Variants in ACOXL observed in about 807,000 individuals in gnomAD.
The protein encoded by ACOXL is acyl-coenzyme A oxidase-like protein.
ACOXL carries 70 observed loss-of-function variants against 71.9 expected under a neutral mutation model. That is an observed-to-expected ratio of 0.97 (90% CI 0.80 to 1.19). The LOEUF is 1.19. Among genes scored for constraint, ACOXL ranks in the 50% most tolerant of loss-of-function variants. The pLI is 0.00. For missense variants in ACOXL, 703 were observed against 736.3 expected, an observed-to-expected ratio of 0.95 and a Z score of 0.52; for synonymous variants, 253 against 281.6, an observed-to-expected ratio of 0.90 and a Z score of 1.02.
At chr2:110,791,515 G>A (rs756454991) in intron 3 of ACOXL, among the ~76,000 whole-genome samples, 17 of 152,282 alleles carry the variant, frequency 1.1e-4, no homozygotes, top group African/African-American at 4.1e-4. Context: ...GAAAAAACAC[G>A]TACCATTTGG....
intron 15 of ACOXL, among the ~76,000 whole-genome samples, chr2:111,041,315 C>T (rs985790196): frequency 3.3e-5 from 5 of 152,316 alleles, no homozygotes; most frequent in African/African-American, 9.6e-5. Context: ...ATCAATGCCA[C>T]GCATGAGGCA....
chr2:110,760,000 G>A (rs960759903), intron 1 of ACOXL, among the ~76,000 whole-genome samples: 2 of 151,746 alleles, frequency 1.3e-5, no homozygotes, highest in Non-Finnish European at 2.9e-5. Flanking sequence ...TTTCTAACTG[G>A]TTTTTAATGT....
chr2:110,888,713 T>C (rs1284057801), intron 10 of ACOXL, among the ~76,000 whole-genome samples: 1 of 152,188 alleles, frequency 6.6e-6, no homozygotes, highest in Non-Finnish European at 1.5e-5. Flanking sequence ...CTTGGGCTGG[T>C]GATTATCTAA....
At chr2:110,919,574 C>G (rs912550404) in intron 11 of ACOXL, among the ~76,000 whole-genome samples, 9 of 151,316 alleles carry the variant, frequency 5.9e-5, no homozygotes, top group Admixed American at 5.9e-4. Context: ...AAATAAAAAT[C>G]ACACTTTGTG....
At chr2:110,887,010 C>T in intron 10 of ACOXL, 5 of 872,100 alleles carry the variant, frequency 5.7e-6, no homozygotes, top group Non-Finnish European at 8.6e-6. Flanking sequence ...AAGATGTCTG[C>T]AGAGTGCCGC....
At chr2:111,060,268 G>C (rs142815392) in intron 16 of ACOXL, among the ~76,000 whole-genome samples, 1 of 152,144 alleles carries the variant, frequency 6.6e-6, no homozygotes, top group Non-Finnish European at 1.5e-5. Context: ...TCCCCACTGC[G>C]GTGGTGTCAG....
At chr2:110,747,527 TAA>T (rs1184464869) in intron 1 of ACOXL, among the ~76,000 whole-genome samples, 1 of 152,204 alleles carries the variant, frequency 6.6e-6, no homozygotes, top group Non-Finnish European at 1.5e-5. Context: ...CAGTGTCTCC[TAA>T]ATTCACACTA....
intron 16 of ACOXL, among the ~76,000 whole-genome samples, chr2:111,075,881 G>A (rs1333738085): frequency 6.6e-6 from 1 of 151,866 alleles, no homozygotes; most frequent in Non-Finnish European, 1.5e-5. Context: ...AATTTGTCCT[G>A]TTCTCTTTAT....
At chr2:110,811,888 CAG>C (rs1280038223) in intron 9 of ACOXL, among the ~76,000 whole-genome samples, 1 of 152,134 alleles carries the variant, frequency 6.6e-6, no homozygotes, top group Non-Finnish European at 1.5e-5. Flanking sequence ...GTGAAATACA[CAG>C]ATTGTTTCCT....
chr2:110,886,675 G>C (rs1438708962), intron 10 of ACOXL: 1 of 1,428,056 alleles, frequency 7.0e-7, no homozygotes, highest in African/African-American at 1.4e-5. Context: ...CACTGCGTCT[G>C]TCCCTCCCCT....
chr2:111,108,059 G>A (rs1426820728), intron 17 of ACOXL, among the ~76,000 whole-genome samples: 2 of 152,194 alleles, frequency 1.3e-5, no homozygotes, highest in African/African-American at 4.8e-5. Context: ...GTCTAAGCCA[G>A]TAATTTTCCT....
At chr2:110,836,491 A>G (rs1410309984) in intron 9 of ACOXL, among the ~76,000 whole-genome samples, 1 of 151,144 alleles carries the variant, frequency 6.6e-6, no homozygotes, top group Non-Finnish European at 1.5e-5. Flanking sequence ...TATTCTGTGC[A>G]TGCCAAGGCC....
intron 1 of ACOXL, among the ~76,000 whole-genome samples, chr2:110,737,378 A>G (rs1203120668): frequency 6.6e-6 from 1 of 152,338 alleles, no homozygotes; most frequent in East Asian, 1.9e-4. Context: ...GTTTCTCACT[A>G]CAGCACCATT....
rs2149474844 is a variant in ACOXL, at chr2:110,967,905, A to G, written c.1060-19203A>G. 7 of 1,129,904 alleles carry G rather than the reference A, an allele frequency of 6.2e-6. No individual in the cohort carries two copies. The Admixed American group carries it at 1.1e-4, about 17-fold the overall frequency. The allele number at this position is 1,129,904 out of a possible 1,614,324, so 70.0% of individuals were successfully genotyped here. On this transcript the variant is annotated intron_variant, in intron 12 of 17. Coordinates refer to ENST00000439055, the MANE Select transcript of ACOXL (RefSeq NM_001142807.4). The stretch of plus-strand genomic sequence containing the variant: ...ACCAAGTGAAATTTAGAAGACGACA[A>G]GAGGGTAAAACTGGTTACTATGCTC...
At chr2:110,807,342 A>T (rs899648176) in intron 9 of ACOXL, among the ~76,000 whole-genome samples, 1 of 152,204 alleles carries the variant, frequency 6.6e-6, no homozygotes, top group Non-Finnish European at 1.5e-5. Flanking sequence ...GCGATGCTCC[A>T]TAGCTGACAG....
intron 9 of ACOXL, among the ~76,000 whole-genome samples, chr2:110,811,141 T>G (rs1340285993): frequency 3.3e-5 from 5 of 151,990 alleles, no homozygotes. Context: ...TATCAGGGAG[T>G]TATGGAATGT....
chr2:111,019,543 A>G (rs1321227012), intron 14 of ACOXL, among the ~76,000 whole-genome samples: 1 of 152,256 alleles, frequency 6.6e-6, no homozygotes, highest in African/African-American at 2.4e-5. Context: ...TGTTGATTTC[A>G]TGTTCTGACA....
At chr2:110,938,617 G>A (rs982039696) in intron 12 of ACOXL, among the ~76,000 whole-genome samples, 1 of 152,244 alleles carries the variant, frequency 6.6e-6, no homozygotes, top group African/African-American at 2.4e-5. Flanking sequence ...GGAGATAGCT[G>A]TGGACTGAGT....
At chr2:110,789,086 C>T (rs1409236164) in intron 3 of ACOXL, among the ~76,000 whole-genome samples, 2 of 152,212 alleles carry the variant, frequency 1.3e-5, no homozygotes, top group Non-Finnish European at 2.9e-5. Context: ...TCCCTGAGCA[C>T]CTTGGACAAA....
Sources: allele counts gnomAD v4.1 joint callset (sites outside exome capture counted in the v4.1 genomes callset), GRCh38; gene constraint gnomAD v4.1.1; transcripts MANE v1.5; gene names NCBI Gene and HGNC (gene_info 2026-07-23, HGNC 2026-07-21).